Variants in LDLRAD4 observed in about 807,000 individuals in gnomAD.
LDLRAD4 encodes the protein low density lipoprotein receptor class A domain containing 4.
In LDLRAD4, 5 loss-of-function variants were observed where a neutral mutation model predicts 17.0. The ratio of observed to expected loss-of-function variants is 0.29; its 90% confidence interval spans 0.15 to 0.62. The LOEUF is 0.62. Among genes scored for constraint, LDLRAD4 ranks in the 20% least tolerant of loss-of-function variants. The pLI, the probability that LDLRAD4 is intolerant of heterozygous loss-of-function variation, is 0.84. For synonymous variants in LDLRAD4, 168 were observed against 171.8 expected (o/e 0.98, Z 0.17); for missense variants, 340 against 424.7 (o/e 0.80, Z 1.75).
intron 2 of LDLRAD4, among the ~76,000 whole-genome samples, chr18:13,393,769 G>T (rs1268686324): frequency 6.6e-6 from 1 of 152,176 alleles, no homozygotes; most frequent in African/African-American, 2.4e-5. Flanking sequence ...TCTTCCTGGA[G>T]TTCAAGGCCC....
intron 2 of LDLRAD4, among the ~76,000 whole-genome samples, chr18:13,413,337 G>A (rs558729148): frequency 2.4e-4 from 36 of 152,338 alleles, no homozygotes; most frequent in African/African-American, 4.6e-4. Context: ...TCAACTGTTC[G>A]TAAATTCCGG....
At position 13,380,286 on chromosome 18, in the gene LDLRAD4, C is replaced by T. The variant is rs537110822; in HGVS notation, c.-382-7055C>T. On this transcript the variant is annotated intron_variant, in intron 1 of 5. Transcript: ENST00000359446. ...GATCTTCCCAGTATTCCCTGATTCC[C>T]AGCGAGCGGCTGGTGCAGGTGTGCA... Among the ~76,000 whole-genome samples, 11 of 152,372 alleles carry T rather than the reference C, an allele frequency of 7.2e-5. No homozygotes were observed. The East Asian group carries it at 7.7e-4, about 11-fold the overall frequency.
At chr18:13,464,271 C>T (rs772383208) in intron 3 of LDLRAD4, among the ~76,000 whole-genome samples, 3 of 152,298 alleles carry the variant, frequency 2.0e-5, no homozygotes, top group African/African-American at 4.8e-5. Flanking sequence ...TAAAATGAAA[C>T]GATGGCTAAT....
chr18:13,398,625 C>T lies in LDLRAD4; in HGVS notation c.40+10863C>T, dbSNP rs183068124. ...AAGGACAGGTTTCGAAGGAGATGGG[C>T]GGCCCCTCCCTCTAACAACTTGATA... On this transcript the variant is annotated intron_variant, in intron 2 of 5. Coordinates refer to ENST00000359446, the Ensembl canonical transcript of LDLRAD4. This position sits in a 1 kb window ranked among gnomAD's most constrained non-coding sequence, Gnocchi z 4.8. Among the ~76,000 whole-genome samples the T allele has an allele frequency of 2.6e-5, 4 of 152,204 alleles. No individual in the cohort carries two copies. Among genetic ancestry groups the T allele is most frequent in the Admixed American group, 6.5e-5 (1 of 15,302 alleles).
chr18:13,267,731 T>C (rs1301223434), intron 1 of LDLRAD4, among the ~76,000 whole-genome samples: 1 of 152,242 alleles, frequency 6.6e-6, no homozygotes, highest in African/African-American at 2.4e-5. Context: ...TCTGGCTGGC[T>C]GATTGGAAAT....
chr18:13,444,189 G>A (rs888212536), intron 3 of LDLRAD4, among the ~76,000 whole-genome samples: 3 of 152,140 alleles, frequency 2.0e-5, no homozygotes, highest in Non-Finnish European at 4.4e-5. Context: ...GTGTTATGAT[G>A]AACTGATGAA....
At chr18:13,286,967 C>T (rs939687720) in intron 1 of LDLRAD4, among the ~76,000 whole-genome samples, 9 of 152,128 alleles carry the variant, frequency 5.9e-5, no homozygotes, top group Admixed American at 1.3e-4. Context: ...GTGGTCTGAG[C>T]GGAGACAGCA....
At chr18:13,236,076 T>C (rs1348932299) in intron 1 of LDLRAD4, among the ~76,000 whole-genome samples, 1 of 152,188 alleles carries the variant, frequency 6.6e-6, no homozygotes, top group Non-Finnish European at 1.5e-5. Flanking sequence ...GAAAACAATT[T>C]GATGTGTGTC....
chr18:13,437,926 A>G (rs1307712367), intron 2 of LDLRAD4, among the ~76,000 whole-genome samples: 2 of 152,232 alleles, frequency 1.3e-5, no homozygotes, highest in Non-Finnish European at 2.9e-5. Context: ...CCCCACAGCT[A>G]TGACTTTTGC....
At chr18:13,603,673 T>A (rs1251166691) in intron 3 of LDLRAD4, among the ~76,000 whole-genome samples, 1 of 152,208 alleles carries the variant, frequency 6.6e-6, no homozygotes, top group Non-Finnish European at 1.5e-5. Flanking sequence ...GTGTTAGTTG[T>A]TGTCAGTATT....
chr18:13,339,335 C>T (rs766434166), intron 1 of LDLRAD4, among the ~76,000 whole-genome samples: 16 of 151,918 alleles, frequency 1.1e-4, no homozygotes, highest in Non-Finnish European at 2.2e-4. Flanking sequence ...CTCAGCCTCC[C>T]GAGTAGCTGG....
intron 3 of LDLRAD4, among the ~76,000 whole-genome samples, chr18:13,559,767 G>A (rs2094521087): frequency 6.6e-6 from 1 of 152,098 alleles, no homozygotes; most frequent in Non-Finnish European, 1.5e-5. Context: ...ACTTTTCCAG[G>A]ACATTCGCTA....
chr18:13,417,542 C>T (rs2089022094), intron 2 of LDLRAD4, among the ~76,000 whole-genome samples: 1 of 151,874 alleles, frequency 6.6e-6, no homozygotes, highest in South Asian at 2.1e-4. Flanking sequence ...ACGCCATTCT[C>T]CTGCCTCAGC....
intron 2 of LDLRAD4, among the ~76,000 whole-genome samples, chr18:13,417,335 T>G (rs1006908508): frequency 6.6e-6 from 1 of 152,194 alleles, no homozygotes; most frequent in Non-Finnish European, 1.5e-5. Context: ...GAAAGTTAGG[T>G]CTTAAGGAAA....
rs142915068 is a variant in LDLRAD4, at chr18:13,606,127, A to G, written c.182-14990A>G. 2.4e-3 allele frequency among the ~76,000 whole-genome samples: 366 copies of G among 152,274 alleles called. 1 individual carries two copies. The highest frequency in any genetic ancestry group is 8.4e-3 in the African/African-American group (348 of 41,554). On this transcript the variant is annotated intron_variant, in intron 3 of 5. Coordinates refer to ENST00000359446, the Ensembl canonical transcript of LDLRAD4. ...TAGATGAGGAAACGCACCCAGCTCA[A>G]CCTAACACAGGTGGCAGGGTTGGAA...
chr18:13,243,609 C>T (rs992407795), intron 1 of LDLRAD4, among the ~76,000 whole-genome samples: 2 of 151,172 alleles, frequency 1.3e-5, no homozygotes. Context: ...ACCCATCCAT[C>T]CACCATCCAG....
At chr18:13,541,382 T>C (rs1399261694) in intron 3 of LDLRAD4, among the ~76,000 whole-genome samples, 1 of 152,224 alleles carries the variant, frequency 6.6e-6, no homozygotes, top group Non-Finnish European at 1.5e-5. Flanking sequence ...AAATTCACTC[T>C]ATACTGTTCA....
chr18:13,626,463 G>A (rs1361717093), intron 4 of LDLRAD4, among the ~76,000 whole-genome samples: 3 of 152,174 alleles, frequency 2.0e-5, no homozygotes, highest in African/African-American at 7.2e-5. Context: ...GTAGGGGATG[G>A]CATGCAGGCA....
chr18:13,310,115 G>A (rs1370601161), intron 1 of LDLRAD4, among the ~76,000 whole-genome samples: 2 of 151,434 alleles, frequency 1.3e-5, no homozygotes, highest in Non-Finnish European at 2.9e-5. Context: ...TGAGGTTGGG[G>A]GATCGGATTG....
Sources: gnomAD v4.1 joint callset for allele counts (sites outside exome capture counted in the v4.1 genomes callset) on GRCh38, gnomAD v4.1.1 for gene constraint, Gnocchi (gnomAD v3.1) non-coding constraint, MANE v1.5 for transcripts, NCBI Gene and HGNC (gene_info 2026-07-23, HGNC 2026-07-21) for gene names.